USP32: variants seen among roughly 807,000 people sequenced by gnomAD.
USP32 encodes ubiquitin specific peptidase 32, also known as ubiquitin carboxyl-terminal hydrolase 32.
A neutral mutation model predicts 204.8 loss-of-function variants in USP32; 59 were observed. The ratio of observed to expected loss-of-function variants is 0.29; its 90% CI spans 0.23 to 0.36. The LOEUF (loss-of-function observed/expected upper bound fraction) is 0.36. Ranked by LOEUF, USP32 falls within the 10% of genes least tolerant of loss-of-function variation. The pLI, the probability that USP32 is intolerant of heterozygous loss-of-function variation, is 1.00. For missense variants in USP32, 1,160 were observed against 1,946.4 expected (o/e 0.60, Z 7.60); for synonymous variants, 517 against 678.4 (o/e 0.76, Z 3.70).
In USP32 at chr17:60,207,042, C is replaced by T; in HGVS notation, c.3016G>A (p.Ala1006Thr). Residue 1006 changes from alanine (A) to threonine (T), a missense_variant, in exon 25 of 34, where the codon GCT becomes ACT. Physicochemically the swap from Ala to Thr is moderately conservative, Grantham distance 58. Coordinates refer to ENST00000300896, the MANE Select transcript of USP32 (RefSeq NM_032582.4). ...EIPVPVSPIS[A>T]SSPTQTDFSS... ...TTACCTGTCTGTGTTGGACTAGAAG[C>T]TGAAATTGGAGACACAGGGACAGGA... 1.2e-6 allele frequency: 2 copies of T among 1,612,848 alleles called. No homozygotes were observed. The highest frequency in any genetic ancestry group is 1.7e-6 in the Non-Finnish European group (2 of 1,179,206).
At chr17:60,373,150 G>A (rs753183802) in intron 1 of USP32, among the ~76,000 whole-genome samples, 85 of 152,146 alleles carry the variant, frequency 5.6e-4, no homozygotes, top group African/African-American at 1.9e-3. Flanking sequence ...CCATGATCAC[G>A]CCACTTCAAT....
At chr17:60,283,614 C>T (rs1374966982) in intron 5 of USP32, among the ~76,000 whole-genome samples, 1 of 149,098 alleles carries the variant, frequency 6.7e-6, no homozygotes, top group Non-Finnish European at 1.5e-5. Flanking sequence ...AAGTTAGACA[C>T]TGGAATTAAA....
chr17:60,191,400 TAAA>T (rs1158204624), intron 28 of USP32, among the ~76,000 whole-genome samples: 1 of 58,416 alleles, frequency 1.7e-5, no homozygotes, highest in African/African-American at 5.2e-5. Context: ...AGACTCTGTT[TAAA>T]AAAAAAAAAA....
chr17:60,215,663 CAT>C (rs1317308050), intron 16 of USP32, among the ~76,000 whole-genome samples: 1 of 151,960 alleles, frequency 6.6e-6, no homozygotes, highest in East Asian at 1.9e-4. Context: ...CACCAGAAAA[CAT>C]ATGTATATCT....
At chr17:60,252,210 C>T (rs1019037808) in intron 11 of USP32, among the ~76,000 whole-genome samples, 171 bp downstream of exon 11, 1 of 152,064 alleles carries the variant, frequency 6.6e-6, no homozygotes, top group Admixed American at 6.6e-5. Flanking sequence ...CTTAATTAAT[C>T]TATAGTACCT....
chr17:60,421,975 A>T (rs948668794), intron 1 of USP32: 4 of 981,774 alleles, frequency 4.1e-6, no homozygotes, highest in Non-Finnish European at 4.8e-6. Flanking sequence ...ACTGGCGGGG[A>T]TCTTTATACA....
chr17:60,227,610 G>T (rs1416281456), intron 12 of USP32, among the ~76,000 whole-genome samples: 2 of 148,030 alleles, frequency 1.4e-5, no homozygotes, highest in Non-Finnish European at 3.0e-5. Context: ...ACAGGGTCTC[G>T]CTATGTTGGC....
At chr17:60,393,655 G>T (rs571739740), upstream of USP32, among the ~76,000 whole-genome samples, 6 of 151,934 alleles carry the variant, frequency 3.9e-5, no homozygotes, top group African/African-American at 1.4e-4. Flanking sequence ...AATATACCCT[G>T]CTAGAGAAAG....
At chr17:60,188,347 T>TTTATATTCTTAA in intron 29 of USP32, among the ~76,000 whole-genome samples, 1 of 152,316 alleles carries the variant, frequency 6.6e-6, no homozygotes, top group African/African-American at 2.4e-5. Flanking sequence ...AGGGAATCCT[T>TTTATATTCTTAA]TTATATTCTT....
At chr17:60,332,959 T>C (rs1036240416) in intron 2 of USP32, among the ~76,000 whole-genome samples, 2 of 152,190 alleles carry the variant, frequency 1.3e-5, no homozygotes, top group African/African-American at 4.8e-5. Flanking sequence ...TCTTACTCTA[T>C]GTATAGTACA....
At chr17:60,289,158 C>A (rs897978509) in intron 4 of USP32, among the ~76,000 whole-genome samples, 1 of 152,134 alleles carries the variant, frequency 6.6e-6, no homozygotes, top group African/African-American at 2.4e-5. Context: ...CAGGCACCCA[C>A]CACCACGCCC....
At chr17:60,338,701 G>C (rs2088583588) in intron 2 of USP32, among the ~76,000 whole-genome samples, 1 of 152,168 alleles carries the variant, frequency 6.6e-6, no homozygotes, top group Non-Finnish European at 1.5e-5. Context: ...CTGCACTCTA[G>C]CCTTGGTGGC....
chr17:60,327,846 G>A (rs1414164452), intron 2 of USP32, among the ~76,000 whole-genome samples: 1 of 152,228 alleles, frequency 6.6e-6, no homozygotes, highest in Non-Finnish European at 1.5e-5. Context: ...AACTGTCACA[G>A]CCCGGCCAGG....
intron 16 of USP32, among the ~76,000 whole-genome samples, chr17:60,215,278 G>C (rs1431657606): frequency 6.6e-6 from 1 of 152,112 alleles, no homozygotes; most frequent in Non-Finnish European, 1.5e-5. Context: ...AGCCTTCCAG[G>C]TGTTTTAAAG....
chr17:60,201,633 T>G (rs1238674846), intron 26 of USP32, among the ~76,000 whole-genome samples: 4 of 152,110 alleles, frequency 2.6e-5, no homozygotes, highest in Non-Finnish European at 5.9e-5. Flanking sequence ...TTAATTTACA[T>G]TTCACTGATT....
intron 3 of USP32, among the ~76,000 whole-genome samples, chr17:60,297,800 T>C (rs1169102027): frequency 6.6e-6 from 1 of 152,174 alleles, no homozygotes; most frequent in African/African-American, 2.4e-5. Flanking sequence ...CTAGCAGTTA[T>C]TGAATAAGCA....
At chr17:60,189,034 A>G (rs749983705) in intron 29 of USP32, among the ~76,000 whole-genome samples, 1 of 152,256 alleles carries the variant, frequency 6.6e-6, no homozygotes, top group Non-Finnish European at 1.5e-5. Flanking sequence ...GGATTTGTTA[A>G]AAAGGGGAAG....
intron 2 of USP32, among the ~76,000 whole-genome samples, chr17:60,311,599 G>A (rs2087855724): frequency 6.6e-6 from 1 of 152,180 alleles, no homozygotes; most frequent in African/African-American, 2.4e-5. Context: ...GAGGATGGTG[G>A]ATCACCTGAG....
chr17:60,214,172 C>T (rs1428685001), intron 17 of USP32, among the ~76,000 whole-genome samples: 1 of 152,140 alleles, frequency 6.6e-6, no homozygotes, highest in Non-Finnish European at 1.5e-5. Flanking sequence ...AAACTCCTGA[C>T]CTCTGGTGCT....
Sources: gnomAD v4.1 joint callset for allele counts (sites outside exome capture counted in the v4.1 genomes callset) on GRCh38, gnomAD v4.1.1 for gene constraint, MANE v1.5 for transcripts, NCBI Gene and HGNC (gene_info 2026-07-23, HGNC 2026-07-21) for gene names.